The following NBEAL1 variants were observed in gnomAD, a reference collection of about 807,000 sequenced individuals.
The protein encoded by NBEAL1 is neurobeachin-like protein 1.
A neutral mutation model predicts 351.3 loss-of-function variants in NBEAL1; 273 were observed. That is an observed-to-expected ratio of 0.78 (90% CI 0.70 to 0.86). NBEAL1 has a LOEUF of 0.86. Among genes scored for constraint, NBEAL1 ranks in the 40% least tolerant of loss-of-function variants. NBEAL1 has a pLI of 0.00. For synonymous variants in NBEAL1, 1,050 were observed against 1,086.4 expected (o/e 0.97, Z 0.66); for missense variants, 2,961 against 3,201.3 (o/e 0.92, Z 1.81).
At chr2:203,079,117 C>G (rs1574940068) in intron 8 of NBEAL1, among the ~76,000 whole-genome samples, 1 of 152,082 alleles carries the variant, frequency 6.6e-6, no homozygotes, top group East Asian at 1.9e-4. Flanking sequence ...TTTTGTTCTG[C>G]TGCCCAGAGT....
intron 49 of NBEAL1, among the ~76,000 whole-genome samples, chr2:203,200,815 C>T (rs988545359): frequency 6.6e-6 from 1 of 152,232 alleles, no homozygotes; most frequent in Non-Finnish European, 1.5e-5. Context: ...TTGTCTTCCT[C>T]AACTAGAATA....
intron 2 of NBEAL1, among the ~76,000 whole-genome samples, chr2:203,024,892 A>G (rs2060831474): frequency 1.3e-5 from 2 of 152,170 alleles, no homozygotes; most frequent in African/African-American, 4.8e-5. Context: ...ACATACATAC[A>G]TACATAAATT....
intron 3 of NBEAL1, among the ~76,000 whole-genome samples, chr2:203,045,813 G>T (rs2061216661): frequency 6.6e-6 from 1 of 152,140 alleles, no homozygotes; most frequent in African/African-American, 2.4e-5. Flanking sequence ...TTAATCATAG[G>T]CATGCTTTAG....
At chr2:203,093,022 G>A (rs1202172089) in intron 10 of NBEAL1, among the ~76,000 whole-genome samples, 2 of 151,898 alleles carry the variant, frequency 1.3e-5, no homozygotes. Flanking sequence ...CACAAGGTTA[G>A]GAGATTGAGA....
chr2:203,132,451 A>G (rs2063096445), intron 26 of NBEAL1, among the ~76,000 whole-genome samples: 1 of 152,164 alleles, frequency 6.6e-6, no homozygotes. Flanking sequence ...ATGAAAACTA[A>G]TTTCAGATAT....
At chr2:203,207,781 G>A (rs1427445820) in intron 51 of NBEAL1, among the ~76,000 whole-genome samples, 1 of 152,186 alleles carries the variant, frequency 6.6e-6, no homozygotes, top group East Asian at 1.9e-4. Flanking sequence ...ACTGCGGAAG[G>A]CCGCAGGGTC....
intron 48 of NBEAL1, among the ~76,000 whole-genome samples, chr2:203,198,778 G>C (rs2065308461): frequency 6.6e-6 from 1 of 150,984 alleles, no homozygotes; most frequent in African/African-American, 2.4e-5. Flanking sequence ...TCAGAGGATT[G>C]CTTGCGCCCG....
In NBEAL1 at chr2:203,062,423, T is replaced by A; in HGVS notation, c.515+4970T>A. The A allele has an allele frequency of 2.5e-6, 1 of 399,866 alleles. No homozygotes were observed. 24.8% of individuals were successfully genotyped at this position (399,866 alleles called of 1,614,324 possible). On this transcript the variant is annotated intron_variant, in intron 6 of 55. Coordinates refer to ENST00000683969, the MANE Select transcript of NBEAL1 (RefSeq NM_001378026.1). The surrounding 1 kb of genome is among the most constrained non-coding windows in gnomAD (Gnocchi z 4.2). ...GTCCATGTTCCAGCTTCCAGCATGC[T>A]CCAGCATCCTGCCCAGGGATCTTGC...
At chr2:203,169,326 G>C (rs1012959769) in intron 38 of NBEAL1, among the ~76,000 whole-genome samples, 2 of 145,862 alleles carry the variant, frequency 1.4e-5, no homozygotes, top group Non-Finnish European at 1.5e-5. Context: ...ATTTCTATTT[G>C]AGGTGATAAA....
At chr2:203,121,838 T>G (rs1475707891) in intron 18 of NBEAL1, among the ~76,000 whole-genome samples, 1 of 151,886 alleles carries the variant, frequency 6.6e-6, no homozygotes, top group Non-Finnish European at 1.5e-5. Context: ...GAGGCTGGAG[T>G]GCATTGGCAC....
At chr2:203,075,737 C>A (rs1050372264) in intron 7 of NBEAL1, among the ~76,000 whole-genome samples, 7 of 152,234 alleles carry the variant, frequency 4.6e-5, no homozygotes, top group Admixed American at 1.3e-4. Context: ...TTCCATGTAG[C>A]AGTTCAGAAA....
chr2:203,153,089 T>C lies in NBEAL1; in HGVS notation c.5587+1500T>C, dbSNP rs16839572. Among the ~76,000 whole-genome samples the C allele has an allele frequency of 5.4e-3, 820 of 152,224 alleles. 11 individuals carry two copies. The highest frequency in any genetic ancestry group is 0.019 in the African/African-American group (773 of 41,556). On this transcript the variant is annotated intron_variant, in intron 35 of 55. Transcript: ENST00000683969. The stretch of plus-strand genomic sequence containing the variant: ...TGGTAGTCATAGGCATATTATGTTG[T>C]AGTTTTAGATGACAGGAGTACCAAC...
Position 203,112,040 on chromosome 2 carries a change from T to G in NBEAL1, c.2144T>G (p.Ile715Ser), listed in dbSNP as rs1395007182. The G allele has an allele frequency of 6.4e-7, 1 of 1,552,482 alleles. No individual in the cohort carries two copies. The highest frequency in any genetic ancestry group is 2.4e-5 in the East Asian group (1 of 41,078). Reference sequence around the variant, plus strand: ...CCTTTTGGTCAGAGCTTCGTCTATATCTATGACAATGGACAACAGAAGGTT... The same window carrying G: ...CCTTTTGGTCAGAGCTTCGTCTATAGCTATGACAATGGACAACAGAAGGTT... ...KRPFGQSFVY[I>S]YDNGQQKVSA... is the part of the protein sequence containing the mutation. Residue 715 changes from isoleucine (I) to serine (S), a missense_variant, in exon 16 of 56, where the codon ATC (isoleucine) becomes AGC (serine). Physicochemically the swap from Ile to Ser is moderately radical, Grantham distance 142. Coordinates refer to ENST00000683969, the MANE Select transcript of NBEAL1 (RefSeq NM_001378026.1).
At chr2:203,075,659 G>A (rs997995452) in intron 7 of NBEAL1, among the ~76,000 whole-genome samples, 30 of 152,316 alleles carry the variant, frequency 2.0e-4, no homozygotes, top group Admixed American at 7.8e-4. Context: ...AGTTGCCTGG[G>A]CCTCTCTGAA....
In NBEAL1 at chr2:203,049,813, G is replaced by T; in HGVS notation, c.144-1G>T. The T allele has an allele frequency of 1.3e-6, 2 of 1,547,206 alleles. No individual in the cohort carries two copies. The highest frequency in any genetic ancestry group is 1.7e-6 in the Non-Finnish European group (2 of 1,143,920). Reference sequence around the variant, plus strand: ...CTTATTTTTTTCCCTTTCTGTTGTAGGGTAGATGATATGCCTCCAGGAATA... The same window carrying T: ...CTTATTTTTTTCCCTTTCTGTTGTATGGTAGATGATATGCCTCCAGGAATA... On this transcript the variant is annotated splice_acceptor_variant, in intron 3 of 55. Transcript: ENST00000683969. LOFTEE classifies it high-confidence loss of function.
In NBEAL1 at chr2:203,099,225, G is replaced by A. The variant is rs915377046; in HGVS notation, c.1186-404G>A. Among the ~76,000 whole-genome samples, 266 of 150,204 alleles carry A rather than the reference G, an allele frequency of 1.8e-3. 1 individual carries two copies. Among genetic ancestry groups the A allele is most frequent in the African/African-American group, 6.3e-3 (259 of 40,794 alleles). Reference sequence around the variant, plus strand: ...TGGGAGGCGGAGGTTGCAGTGAGCCGAGATTGCACCATTGCACTCCAGCCT... The same window carrying A: ...TGGGAGGCGGAGGTTGCAGTGAGCCAAGATTGCACCATTGCACTCCAGCCT... On this transcript the variant is annotated intron_variant, in intron 11 of 55. Coordinates refer to ENST00000683969, the MANE Select transcript of NBEAL1 (RefSeq NM_001378026.1).
chr2:203,148,474 A>C (rs2063564803), intron 33 of NBEAL1, among the ~76,000 whole-genome samples: 1 of 152,100 alleles, frequency 6.6e-6, no homozygotes. Context: ...TAATGCTGTC[A>C]TTTTAGTTTC....
chr2:203,217,233 C>A lies in NBEAL1; in HGVS notation c.8071-20C>A. ...TTTTCTTAATATTTATTCTTCATTTCTTTGGATTACTTTACACAGATGCGT... is the reference window on the plus strand; with the variant it reads ...TTTTCTTAATATTTATTCTTCATTTATTTGGATTACTTTACACAGATGCGT... On this transcript the variant is annotated intron_variant, in intron 55 of 55. Coordinates refer to ENST00000683969, the MANE Select transcript of NBEAL1 (RefSeq NM_001378026.1). The A allele has an allele frequency of 6.8e-7, 1 of 1,460,748 alleles. No individual in the cohort carries two copies. Among genetic ancestry groups the A allele is most frequent in the Non-Finnish European group, 9.1e-7 (1 of 1,098,328 alleles). The allele number at this position is 1,460,748 out of a possible 1,614,324, so 90.5% of individuals were successfully genotyped here. A position where few individuals can be genotyped will look rare whatever the true frequency, so the allele number is the denominator to read the frequency against.
intron 21 of NBEAL1, 119 bp from the exon 22 acceptor site, chr2:203,126,438 C>T (rs1261367395): frequency 7.4e-6 from 6 of 814,834 alleles, no homozygotes; most frequent in Non-Finnish European, 1.0e-5. Flanking sequence ...TTTTATTTTT[C>T]TAATGTGGGT....
Sources: allele counts gnomAD v4.1 joint callset (sites outside exome capture counted in the v4.1 genomes callset), GRCh38; gene constraint gnomAD v4.1.1; non-coding constraint Gnocchi (gnomAD v3.1); transcripts MANE v1.5; gene names NCBI Gene and HGNC (gene_info 2026-07-23, HGNC 2026-07-21).